Variants in TTN observed in about 807,000 individuals in gnomAD.
The protein encoded by TTN is connectin.
In TTN, 1,525 loss-of-function variants were observed where a neutral mutation model predicts 3,223.0. That is an observed-to-expected ratio of 0.47 (90% CI 0.45 to 0.49). The LOEUF is 0.49. Among genes scored for constraint, TTN ranks in the 20% least tolerant of loss-of-function variants. TTN has a pLI of 0.00. For missense variants in TTN, 40,786 were observed against 43,424.0 expected, an observed-to-expected ratio of 0.94 and a Z score of 5.40; for synonymous variants, 14,094 against 15,161.0, an observed-to-expected ratio of 0.93 and a Z score of 5.17.
rs368023553 is a variant in TTN at position 178,559,635 on chromosome 2, C to A, written c.86497G>T (p.Ala28833Ser). 42 of 1,613,640 alleles carry A rather than the reference C, an allele frequency of 2.6e-5. No homozygotes were observed. In the African/African-American group the frequency reaches 5.2e-4, roughly 20 times the overall value. Residue 28833 changes from alanine to serine, a missense_variant, in exon 326 of 363, where the codon GCT becomes TCT. Coordinates refer to ENST00000589042, the MANE Select transcript of TTN (RefSeq NM_001267550.2). ...TTGACAACTAAGGTCAGTGAAGCAGCACTCAAAACATTCTGAATTGTTAAT... is the reference window on the plus strand; with the variant it reads ...TTGACAACTAAGGTCAGTGAAGCAGAACTCAAAACATTCTGAATTGTTAAT... ...YTLTIQNVLSAASLTLVVKVL... is the reference protein window; with the variant it reads ...YTLTIQNVLSSASLTLVVKVL...
rs1301747865 is a variant in TTN at position 178,780,103 on chromosome 2, A to C, written c.3626T>G (p.Phe1209Cys). The C allele has an allele frequency of 6.2e-7, 1 of 1,613,732 alleles. No individual in the cohort carries two copies. Among genetic ancestry groups the C allele is most frequent in the African/African-American group, 1.3e-5 (1 of 74,898 alleles). The change falls in exon 22 of 363, where the codon TTT (phenylalanine) becomes TGT (cysteine). Residue 1209 changes from phenylalanine (F) to cysteine (C), a missense_variant. Physicochemically the swap from Phe to Cys is radical, Grantham distance 205. Coordinates refer to ENST00000589042, the MANE Select transcript of TTN (RefSeq NM_001267550.2). ...CTCTTTTTCATACTCAGAGTATACA[A>C]ATCCAGGTGCTGTTTCTCCAACTTT... is the stretch of plus-strand genomic sequence containing the variant. ...EPKVGETAPG[F>C]VYSEYEKEYE...
rs1411912286 is a variant in TTN, at chr2:178,585,211, G to A, written c.64533C>T (p.Ser21511=). 6.2e-7 allele frequency: 1 copy of A among 1,613,230 alleles called. No homozygotes were observed. Among genetic ancestry groups the A allele is most frequent in the East Asian group, 2.2e-5 (1 of 44,836 alleles). The change falls in exon 309 of 363, where the codon AGC becomes AGT. Residue 21511 remains serine (S), a synonymous_variant. Transcript: ENST00000589042. ...KKGEDEVVTS[S]HLAVHKADSS... ...TGTCTGCTTTATGCACTGCCAGGTG[G>A]CTGGATGTGACAACTTCATCTTCTC... is the stretch of plus-strand genomic sequence containing the variant.
In TTN at chr2:178,715,208, C is replaced by T. The variant is rs141856116; in HGVS notation, c.25978G>A (p.Val8660Ile). The change falls in exon 90 of 363, where the codon GTT (valine) becomes ATT (isoleucine). Residue 8660 changes from valine (V) to isoleucine (I), a missense_variant. Physicochemically the swap from Val to Ile is conservative, Grantham distance 29. Coordinates refer to ENST00000589042, the MANE Select transcript of TTN (RefSeq NM_001267550.2). The stretch of plus-strand genomic sequence containing the variant: ...CCCTGAAGCTCACATTCAAGGTGAA[C>T]ATCAGCTCCTTTCAGTGTCTCTATA... ...HPIETLKGAD[V>I]HLECELQGTP... The T allele has an allele frequency of 1.0e-3, 1,662 of 1,613,644 alleles. 9 individuals carry two copies. In the African/African-American group the frequency reaches 0.011, roughly 10 times the overall value.
At chr2:178,774,723 T>C (rs1020472322) in intron 29 of TTN, 198 bp downstream of exon 29, 8 of 743,214 alleles carry the variant, frequency 1.1e-5, no homozygotes, top group Non-Finnish European at 1.7e-5. Context: ...ATCAAGATAA[T>C]ACTACTTTAA....
At position 178,576,279 on chromosome 2, in the gene TTN, C is replaced by T. The variant is rs376870149; in HGVS notation, c.69853G>A (p.Glu23285Lys). ...YVVEHQKVGD[E>K]AWIKDTTGTA... The stretch of plus-strand genomic sequence containing the variant: ...CCTGTGGTATCTTTTATCCAGGCCT[C>T]GTCTCCTACTTTTTGATGCTCCACG... Residue 23285 changes from glutamate (E) to lysine (K), a missense_variant, in exon 326 of 363, where the codon GAG becomes AAG. Physicochemically the swap from Glu to Lys is moderately conservative, Grantham distance 56. Coordinates refer to ENST00000589042, the MANE Select transcript of TTN (RefSeq NM_001267550.2). This position sits in a 1 kb window ranked among gnomAD's most constrained non-coding sequence, Gnocchi z 4.3. 103 of 1,604,368 alleles carry T rather than the reference C, an allele frequency of 6.4e-5. No homozygotes were observed. The highest frequency in any genetic ancestry group is 4.8e-4 in the African/African-American group (36 of 74,436).
chr2:178,739,675 T>G lies in TTN; in HGVS notation c.13558A>C (p.Thr4520Pro). The G allele has an allele frequency of 1.2e-6, 2 of 1,613,944 alleles. No homozygotes were observed. The highest frequency in any genetic ancestry group is 2.2e-5 in the South Asian group (2 of 91,082). Residue 4520 changes from threonine to proline, a missense_variant, in exon 48 of 363, where the codon ACT (threonine) becomes CCT (proline). Transcript: ENST00000589042. ...TATTTAGATTCAACTTCTGGTTCAG[T>G]AATGGGTTCAACCTTCTGTGAACCT... Reference protein sequence around the residue: ...FSGSQKVEPITEPEVESKYLI... With the variant: ...FSGSQKVEPIPEPEVESKYLI...
rs1398319154 is a variant in TTN at position 178,720,650 on chromosome 2, G to A, written c.23112C>T (p.Phe7704=). ...TALTVKAPPV[F]TQKPSPVGAL... is the part of the protein sequence containing the mutation. ...CTCCTACTGGAGAAGGCTTCTGGGT[G>A]AAAACAGGAGGTGCTACCAGAAAAA... The change falls in exon 80 of 363, where the codon TTC becomes TTT. Residue 7704 remains phenylalanine (F), a synonymous_variant. Coordinates refer to ENST00000589042, the MANE Select transcript of TTN (RefSeq NM_001267550.2). The A allele has an allele frequency of 1.3e-6, 2 of 1,589,068 alleles. No homozygotes were observed. The highest frequency in any genetic ancestry group is 1.7e-6 in the Non-Finnish European group (2 of 1,170,428).
At position 178,550,916 on chromosome 2, in the gene TTN, T is replaced by A. The variant is rs1417546814; in HGVS notation, c.91564+51A>T. 13 of 1,563,054 alleles carry A rather than the reference T, an allele frequency of 8.3e-6. No homozygotes were observed. In the East Asian group the frequency reaches 2.1e-4, roughly 25 times the overall value. On this transcript the variant is annotated intron_variant, in intron 336 of 362. Coordinates refer to ENST00000589042, the MANE Select transcript of TTN (RefSeq NM_001267550.2). ...CAGGCCAGGGGCCAAATGTGTTTTT[T>A]AAAAATGTGAATGCTCTTAGTCTCA...
At chr2:178,689,028 G>A (rs76264300) in intron 125 of TTN, 25 bp downstream of exon 125, 28 of 416,672 alleles carry the variant, frequency 6.7e-5, no homozygotes, top group Admixed American at 1.1e-4. Flanking sequence ...TTTTTTTTTT[G>A]TCAGAGGATT....
At chr2:178,745,586 T>C in intron 47 of TTN, 1 of 1,612,388 alleles carries the variant, frequency 6.2e-7, no homozygotes. Context: ...CATTACATTT[T>C]AAGTTAAGGT....
rs765307374 is a variant in TTN, at chr2:178,552,306, A to G, written c.90594T>C (p.His30198=). 1.2e-5 allele frequency: 19 copies of G among 1,612,234 alleles called. No individual in the cohort carries two copies. In the African/African-American group the frequency reaches 1.3e-4, roughly 11 times the overall value. Residue 30198 remains histidine, a synonymous_variant, in exon 335 of 363, where the codon CAT becomes CAC. Transcript: ENST00000589042. ...TLSIKNAKKE[H]GGKYTVILDN... ...CAAGAATAACAGTGTATTTTCCTCC[A>G]TGCTCCTTCTTGGCATTCTTAATAC...
At position 178,566,855 on chromosome 2, in the gene TTN, C is replaced by A; in HGVS notation, c.79277G>T (p.Arg26426Ile). Residue 26426 changes from arginine (R) to isoleucine (I), a missense_variant, in exon 326 of 363, where the codon AGA becomes ATA. Coordinates refer to ENST00000589042, the MANE Select transcript of TTN (RefSeq NM_001267550.2). ...TATCCATCGAATGCCACTTCTGTCT[C>A]TTTTCTCTACAATGTAACCAATAAT... ...SEIIGYIVEK[R>I]DRSGIRWIKC... is the part of the protein sequence containing the mutation. 6.2e-7 allele frequency: 1 copy of A among 1,613,456 alleles called. No homozygotes were observed. Among genetic ancestry groups the A allele is most frequent in the Non-Finnish European group, 8.5e-7 (1 of 1,179,672 alleles).
chr2:178,604,146 C>G lies in TTN; in HGVS notation c.54541G>C (p.Gly18181Arg), dbSNP rs761810379. The G allele has an allele frequency of 6.8e-6, 11 of 1,612,364 alleles. No homozygotes were observed. Among genetic ancestry groups the G allele is most frequent in the Middle Eastern group, 1.7e-4 (1 of 6,042 alleles). The part of the protein sequence containing the change: ...GKPKVLARTK[G>R]SMLVSWTPPL... Reference sequence around the variant, plus strand: ...GGAGTCCAGCTCACTAGCATTGATCCTTTGGTGCGTGCCAAAACTTTTGGT... The same window carrying G: ...GGAGTCCAGCTCACTAGCATTGATCGTTTGGTGCGTGCCAAAACTTTTGGT... The change falls in exon 282 of 363, where the codon GGA (glycine) becomes CGA (arginine). Residue 18181 changes from glycine (G) to arginine (R), a missense_variant. Physicochemically the swap from Gly to Arg is moderately radical, Grantham distance 125 (BLOSUM62 -2). Transcript: ENST00000589042.
At chr2:178,760,264 C>T (rs1574427868) in intron 43 of TTN, among the ~76,000 whole-genome samples, 1 of 152,170 alleles carries the variant, frequency 6.6e-6, no homozygotes. Context: ...AGGCGCGGTG[C>T]TTCACACCTG....
At position 178,551,804 on chromosome 2, in the gene TTN, T is replaced by C; in HGVS notation, c.91096A>G (p.Arg30366Gly). ...ACTTTTTGCCAGAGGATGCTATTTC[T>C]TTCTTTCTTTTCAACATGGAATCCA... is the stretch of plus-strand genomic sequence containing the variant. ...VTGFHVEKKE[R>G]NSILWQKVNT... Residue 30366 changes from arginine to glycine, a missense_variant, in exon 335 of 363, where the codon AGA (arginine) becomes GGA (glycine). Arg to Gly is a moderately radical substitution (Grantham distance 125, BLOSUM62 -2). Transcript: ENST00000589042. The C allele has an allele frequency of 6.2e-7, 1 of 1,613,840 alleles. No individual in the cohort carries two copies. The highest frequency in any genetic ancestry group is 8.5e-7 in the Non-Finnish European group (1 of 1,179,820).
chr2:178,610,263 T>C lies in TTN; in HGVS notation c.51263A>G (p.Glu17088Gly). ...TGGTATATATGTTCTCCTCCCAGCT[T>C]CTCTGCGCTCCAGGACATAATGAAG... ...PILHYVLERR[E>G]AGRRTYIPVM... Residue 17088 changes from glutamate (E) to glycine (G), a missense_variant, in exon 271 of 363, where the codon GAA (glutamate) becomes GGA (glycine). Physicochemically the swap from Glu to Gly is moderately conservative, Grantham distance 98. Coordinates refer to ENST00000589042, the MANE Select transcript of TTN (RefSeq NM_001267550.2). The C allele has an allele frequency of 6.2e-7, 1 of 1,613,040 alleles. No homozygotes were observed. Among genetic ancestry groups the C allele is most frequent in the Non-Finnish European group, 8.5e-7 (1 of 1,179,278 alleles).
rs1455920569 is a variant in TTN, at chr2:178,581,753, G to T, written c.66515C>A (p.Ser22172Tyr). 1 of 1,607,022 alleles carries T rather than the reference G, an allele frequency of 6.2e-7. No homozygotes were observed. Among genetic ancestry groups the T allele is most frequent in the Middle Eastern group, 1.7e-4 (1 of 6,036 alleles). The change falls in exon 316 of 363, where the codon TCT (serine) becomes TAT (tyrosine). Residue 22172 changes from serine (S) to tyrosine (Y), a missense_variant. Physicochemically the swap from Ser to Tyr is moderately radical, Grantham distance 144. Coordinates refer to ENST00000589042, the MANE Select transcript of TTN (RefSeq NM_001267550.2). ...FPKVYDTTRS[S>Y]VSLSWGKPAY... ...TGGCTTGCCCCAAGATAGACTCACA[G>T]AGCTGCGAGTTGTATCATATACTTT...
At chr2:178,752,404 C>A (rs1469395979) in intron 47 of TTN, among the ~76,000 whole-genome samples, 1 of 151,942 alleles carries the variant, frequency 6.6e-6, no homozygotes, top group Non-Finnish European at 1.5e-5. Context: ...GGAATAAACG[C>A]CCTTTCTGAT....
rs144100066 is a variant in TTN, at chr2:178,764,557, C to T, written c.9958G>A (p.Ala3320Thr). 5.6e-6 allele frequency: 9 copies of T among 1,614,004 alleles called. No homozygotes were observed. Among genetic ancestry groups the T allele is most frequent in the African/African-American group, 4.0e-5 (3 of 74,926 alleles). ...ACTGAGAGTGAAGCTGATGTTGTGG[C>T]AACACCATAGTCATTCTTGGCTTCA... ...TCEAKNDYGV[A>T]TTSASLSVEV... is the part of the protein sequence containing the mutation. Residue 3320 changes from alanine (A) to threonine (T), a missense_variant, in exon 42 of 363, where the codon GCC becomes ACC. Ala to Thr is a moderately conservative substitution (Grantham distance 58). Transcript: ENST00000589042.
Sources: gnomAD v4.1 joint callset for allele counts (sites outside exome capture counted in the v4.1 genomes callset) on GRCh38, gnomAD v4.1.1 for gene constraint, Gnocchi (gnomAD v3.1) non-coding constraint, MANE v1.5 for transcripts, NCBI Gene and HGNC (gene_info 2026-07-23, HGNC 2026-07-21) for gene names.